The following ANO2 variants were observed in gnomAD, a reference collection of about 807,000 sequenced individuals.
The protein encoded by ANO2 is anoctamin-2.
Under a neutral mutation model 124.2 loss-of-function variants are expected in ANO2, and 101 were observed. The ratio of observed to expected loss-of-function variants is 0.81; its 90% CI spans 0.69 to 0.96. ANO2 has a LOEUF of 0.96. ANO2 is among the 40% of genes least tolerant of loss of function. ANO2 has a pLI of 0.00. For missense variants in ANO2, 1,293 were observed against 1,274.5 expected (o/e 1.01, Z -0.22); for synonymous variants, 486 against 482.5 (o/e 1.01, Z -0.09).
At chr12:5,818,417 T>C (rs1953675613) in intron 7 of ANO2, among the ~76,000 whole-genome samples, 1 of 140,734 alleles carries the variant, frequency 7.1e-6, no homozygotes, top group Non-Finnish European at 1.5e-5. Context: ...GAGCTTGTGA[T>C]CATGTGAGTT....
rs111811755 is a variant in ANO2 at position 5,893,631 on chromosome 12, C to A, written c.534+27409G>T. Among the ~76,000 whole-genome samples, 256 of 151,652 alleles carry A rather than the reference C, an allele frequency of 1.7e-3. 1 individual carries two copies. The highest frequency in any genetic ancestry group is 6.0e-3 in the African/African-American group (248 of 41,262). On this transcript the variant is annotated intron_variant, in intron 3 of 24. Coordinates refer to ENST00000682330, the MANE Select transcript of ANO2 (RefSeq NM_001364791.2). ...CATTAGGTATTTCGCCTAATGCTAT[C>A]CCTCCCCTAGCCCCCCACCCCACAA...
intron 14 of ANO2, among the ~76,000 whole-genome samples, chr12:5,688,160 G>C (rs949526844): frequency 6.6e-6 from 1 of 152,162 alleles, no homozygotes; most frequent in African/African-American, 2.4e-5. Context: ...AACTGTGATG[G>C]AAAATATGCC....
chr12:5,828,514 G>T (rs969992378), intron 6 of ANO2, among the ~76,000 whole-genome samples: 1 of 152,104 alleles, frequency 6.6e-6, no homozygotes, highest in African/African-American at 2.4e-5. Flanking sequence ...TTTTTCCTGG[G>T]TCCTCATCTT....
chr12:5,824,369 C>A (rs1408977474), intron 7 of ANO2, among the ~76,000 whole-genome samples: 2 of 152,168 alleles, frequency 1.3e-5, no homozygotes, highest in African/African-American at 4.8e-5. Context: ...TTAGAAATTT[C>A]TTCTGCCAGA....
intron 23 of ANO2, among the ~76,000 whole-genome samples, chr12:5,570,507 CCA>C (rs1942043029): frequency 6.6e-6 from 1 of 152,030 alleles, no homozygotes; most frequent in African/African-American, 2.4e-5. Flanking sequence ...TCCAAAGTCT[CCA>C]TTTTTACAGA....
At chr12:5,597,156 T>G (rs747119641) in intron 20 of ANO2, among the ~76,000 whole-genome samples, 5 of 152,270 alleles carry the variant, frequency 3.3e-5, no homozygotes, top group African/African-American at 7.2e-5. Flanking sequence ...ACAGGTAAAC[T>G]TGTGTCATGG....
intron 20 of ANO2, among the ~76,000 whole-genome samples, chr12:5,595,489 C>T (rs1397789617): frequency 1.3e-5 from 2 of 152,026 alleles, no homozygotes; most frequent in African/African-American, 4.8e-5. Flanking sequence ...TCCCAAAGTG[C>T]TGGGTTTATA....
At chr12:5,777,403 C>A (rs1952263325) in intron 10 of ANO2, among the ~76,000 whole-genome samples, 1 of 147,994 alleles carries the variant, frequency 6.8e-6, no homozygotes, top group Non-Finnish European at 1.5e-5. Context: ...GCAAAGGCTG[C>A]AAAAAATCAG....
chr12:5,694,018 C>T (rs1949054783), intron 14 of ANO2, among the ~76,000 whole-genome samples: 1 of 152,118 alleles, frequency 6.6e-6, no homozygotes, highest in African/African-American at 2.4e-5. Context: ...TCTTACTAGA[C>T]TGCAAACCCC....
chr12:5,612,606 G>C, intron 19 of ANO2, 50 bp downstream of exon 19: 1 of 1,520,352 alleles, frequency 6.6e-7, no homozygotes, highest in African/African-American at 1.4e-5. Context: ...TGGCACTTCT[G>C]GGCTAACCCC....
chr12:5,921,902 C>T (rs901173729), intron 2 of ANO2, among the ~76,000 whole-genome samples: 3 of 152,266 alleles, frequency 2.0e-5, no homozygotes, highest in East Asian at 1.9e-4. Context: ...CAGATCTGCA[C>T]CTCTGCCTGC....
chr12:5,814,211 T>C (rs1953527075), intron 7 of ANO2, among the ~76,000 whole-genome samples: 1 of 152,238 alleles, frequency 6.6e-6, no homozygotes, highest in Non-Finnish European at 1.5e-5. Context: ...GCTCTACTAT[T>C]GTTAATTCCA....
intron 23 of ANO2, among the ~76,000 whole-genome samples, chr12:5,569,908 A>G (rs1942000668): frequency 6.6e-6 from 1 of 152,218 alleles, no homozygotes; most frequent in South Asian, 2.1e-4. Flanking sequence ...ATATACATAC[A>G]CAATATGTGT....
intron 7 of ANO2, among the ~76,000 whole-genome samples, chr12:5,812,574 A>G: frequency 5.3e-5 from 1 of 18,756 alleles, no homozygotes. Flanking sequence ...AAAAAGAAAA[A>G]AAGAAAGAGA....
At chr12:5,867,232 A>G (rs1457094943) in intron 3 of ANO2, among the ~76,000 whole-genome samples, 2 of 151,980 alleles carry the variant, frequency 1.3e-5, no homozygotes, top group African/African-American at 4.8e-5. Context: ...CAGCTAAAGA[A>G]CTCTTTCTCC....
intron 14 of ANO2, among the ~76,000 whole-genome samples, chr12:5,668,218 T>C (rs1947829707): frequency 6.6e-6 from 1 of 152,196 alleles, no homozygotes; most frequent in Non-Finnish European, 1.5e-5. Context: ...GCATCTGTTG[T>C]TTTTTGACTT....
Position 5,732,561 on chromosome 12 carries a change from C to G in ANO2, c.1504G>C (p.Val502Leu). ...GTCGTGTTTGTTTCCAATTTCTGGACAGCAGACTGGTTGCTCTCCTTTAGC... is the reference window on the plus strand; with the variant it reads ...GTCGTGTTTGTTTCCAATTTCTGGAGAGCAGACTGGTTGCTCTCCTTTAGC... ...KMLKESNQSA[V>L]QKLETNTTEC... The change falls in exon 14 of 25, where the codon GTC (valine) becomes CTC (leucine). Residue 502 changes from valine to leucine, a missense_variant. Physicochemically the swap from Val to Leu is conservative, Grantham distance 32. Coordinates refer to ENST00000682330, the MANE Select transcript of ANO2 (RefSeq NM_001364791.2). The G allele has an allele frequency of 1.9e-6, 3 of 1,613,918 alleles. No homozygotes were observed. The highest frequency in any genetic ancestry group is 1.1e-5 in the South Asian group (1 of 91,064).
chr12:5,841,566 T>C (rs1248323309), intron 4 of ANO2, among the ~76,000 whole-genome samples: 1 of 152,248 alleles, frequency 6.6e-6, no homozygotes, highest in Non-Finnish European at 1.5e-5. Context: ...CCATGCCTGC[T>C]GCCTCCCTCG....
At chr12:5,845,153 T>C (rs1456233977) in intron 4 of ANO2, among the ~76,000 whole-genome samples, 2 of 151,898 alleles carry the variant, frequency 1.3e-5, no homozygotes, top group East Asian at 3.9e-4. Context: ...TAGTCCCAGC[T>C]ACTCAGGAGG....
Sources: allele counts gnomAD v4.1 joint callset (sites outside exome capture counted in the v4.1 genomes callset), GRCh38; gene constraint gnomAD v4.1.1; transcripts MANE v1.5; gene names NCBI Gene and HGNC (gene_info 2026-07-23, HGNC 2026-07-21).